The following KAT6A variants were observed in gnomAD, a reference collection of about 807,000 sequenced individuals.
KAT6A encodes histone acetyltransferase KAT6A.
KAT6A carries 9 observed loss-of-function variants against 198.4 expected under a neutral mutation model. The ratio of observed to expected loss-of-function variants is 0.05; its 90% confidence interval spans 0.03 to 0.08. The LOEUF (loss-of-function observed/expected upper bound fraction) is 0.08. KAT6A is among the 10% of genes least tolerant of loss of function. The probability of loss-of-function intolerance (pLI) is 1.00; values close to 1 mark genes in which losing one functional copy is unlikely to be tolerated. For missense variants in KAT6A, 2,077 were observed against 2,509.9 expected (o/e 0.83, Z 3.69); for synonymous variants, 890 against 883.0 (o/e 1.01, Z -0.14).
chr8:42,039,937 C>A (rs1049332417), intron 2 of KAT6A, among the ~76,000 whole-genome samples: 1 of 151,010 alleles, frequency 6.6e-6, no homozygotes, highest in African/African-American at 2.4e-5. Flanking sequence ...TTAGTGGAGA[C>A]GGGCTTTCAC....
At chr8:41,941,896 T>C (rs775592403) in intron 14 of KAT6A, among the ~76,000 whole-genome samples, 32 of 152,278 alleles carry the variant, frequency 2.1e-4, no homozygotes, top group Middle Eastern at 3.4e-3. Flanking sequence ...GAAATAAAAA[T>C]TTGTAAACAG....
At chr8:42,033,490 T>C (rs1400407944) in intron 2 of KAT6A, among the ~76,000 whole-genome samples, 1 of 152,218 alleles carries the variant, frequency 6.6e-6, no homozygotes, top group African/African-American at 2.4e-5. Context: ...CATATCCAAT[T>C]AAACAGTTAC....
At position 41,937,540 on chromosome 8, in the gene KAT6A, A is replaced by G; in HGVS notation, c.3068T>C (p.Val1023Ala). Reference protein sequence around the residue: ...KKPFLHRRRRVRKRKHHNSSV... With the variant: ...KKPFLHRRRRARKRKHHNSSV... Reference sequence around the variant, plus strand: ...GCTATTGTGGTGTTTGCGCTTTCGGACTCTCCTCCTTCGGTGGAGAAATGG... The same window carrying G: ...GCTATTGTGGTGTTTGCGCTTTCGGGCTCTCCTCCTTCGGTGGAGAAATGG... Residue 1023 changes from valine to alanine, a missense_variant, in exon 16 of 17, where the codon GTC becomes GCC. Physicochemically the swap from Val to Ala is moderately conservative, Grantham distance 64. Coordinates refer to ENST00000265713, the MANE Select transcript of KAT6A (RefSeq NM_006766.5). The G allele has an allele frequency of 6.2e-7, 1 of 1,612,804 alleles. No homozygotes were observed. The highest frequency in any genetic ancestry group is 1.1e-5 in the South Asian group (1 of 90,946).
chr8:41,938,131 T>C (rs1282549424), intron 15 of KAT6A, among the ~76,000 whole-genome samples: 1 of 152,214 alleles, frequency 6.6e-6, no homozygotes, highest in African/African-American at 2.4e-5. Flanking sequence ...GAGCACAACT[T>C]TGCACTGGAC....
chr8:42,037,858 A>C (rs1827455582), intron 2 of KAT6A, among the ~76,000 whole-genome samples: 1 of 152,180 alleles, frequency 6.6e-6, no homozygotes, highest in South Asian at 2.1e-4. Context: ...TTTACAGCAA[A>C]GCAGAAGTGA....
chr8:41,955,931 AAG>A (rs1457477216), intron 8 of KAT6A, among the ~76,000 whole-genome samples: 1 of 152,222 alleles, frequency 6.6e-6, no homozygotes, highest in Non-Finnish European at 1.5e-5. Context: ...AACAAGTATC[AAG>A]AGAGTCTTCA....
Position 41,932,533 on chromosome 8 carries a change from C to G in KAT6A, c.5687G>C (p.Gly1896Ala). 1 of 1,614,236 alleles carries G rather than the reference C, an allele frequency of 6.2e-7. No individual in the cohort carries two copies. The highest frequency in any genetic ancestry group is 8.5e-7 in the Non-Finnish European group (1 of 1,180,034). ...AGPRALAVQR[G>A]MNMGVNLMPT... ...CATCAGATTAACCCCCATGTTCATG[C>G]CACGCTGAACAGCCAGTGCGCGAGG... Residue 1896 changes from glycine to alanine, a missense_variant, in exon 17 of 17, where the codon GGC (glycine) becomes GCC (alanine). Coordinates refer to ENST00000265713, the MANE Select transcript of KAT6A (RefSeq NM_006766.5).
At chr8:41,946,529 C>CACACACACACACACACACACAT (rs1554682545) in intron 12 of KAT6A, 62 bp downstream of exon 12, 3 of 682,418 alleles carry the variant, frequency 4.4e-6, no homozygotes, top group African/African-American at 3.9e-5. Context: ...CACACACACA[C>CACACACACACACACACACACAT]ACACACACAC....
At chr8:41,990,994 CAAAAAAAAA>C (rs61543371) in intron 2 of KAT6A, among the ~76,000 whole-genome samples, 8 of 80,750 alleles carry the variant, frequency 9.9e-5, no homozygotes, top group East Asian at 3.5e-4. Flanking sequence ...GACTCCGTCT[CAAAAAAAAA>C]AAAAAAAAAA....
intron 1 of KAT6A, among the ~76,000 whole-genome samples, chr8:42,050,146 G>C (rs943758209): frequency 2.0e-5 from 3 of 152,136 alleles, no homozygotes; most frequent in African/African-American, 7.2e-5. Context: ...GGACGGTACA[G>C]AAAAAGAAAT....
intron 9 of KAT6A, among the ~76,000 whole-genome samples, chr8:41,954,801 G>A (rs1033218482): frequency 2.6e-5 from 4 of 152,132 alleles, no homozygotes; most frequent in Non-Finnish European, 5.9e-5. Context: ...GCTGGTGAGT[G>A]ATCAATGTTT....
intron 2 of KAT6A, among the ~76,000 whole-genome samples, chr8:42,026,208 G>A (rs905937676): frequency 1.1e-4 from 16 of 152,138 alleles, no homozygotes; most frequent in African/African-American, 3.9e-4. Flanking sequence ...GTAGTGTGAT[G>A]CCCCCAGCTT....
At chr8:41,956,170 A>G (rs1300609207) in intron 8 of KAT6A, among the ~76,000 whole-genome samples, 2 of 152,206 alleles carry the variant, frequency 1.3e-5, no homozygotes, top group African/African-American at 2.4e-5. Context: ...AAATTCAAAC[A>G]TAAGTACGTA....
In KAT6A at chr8:41,977,174, G is replaced by A; in HGVS notation, c.1197C>T (p.Ser399=). The A allele has an allele frequency of 6.2e-7, 1 of 1,614,118 alleles. No individual in the cohort carries two copies. Among genetic ancestry groups the A allele is most frequent in the Middle Eastern group, 1.6e-4 (1 of 6,062 alleles). ...CTTTGGTTTTCTTGTTGAACTTCAA[G>A]GAGACATTGCTATCTCTGCAGAAGT... ...GLDFCRDSNV[S]LKFNKKTKGL... Residue 399 remains serine, a synonymous_variant, in exon 7 of 17, where the codon TCC becomes TCT. Coordinates refer to ENST00000265713, the MANE Select transcript of KAT6A (RefSeq NM_006766.5).
At position 41,937,317 on chromosome 8, in the gene KAT6A, C is replaced by A; in HGVS notation, c.3291G>T (p.Gln1097His). The change falls in exon 16 of 17, where the codon CAG (glutamine) becomes CAT (histidine). Residue 1097 changes from glutamine (Q) to histidine (H), a missense_variant. Around this residue, in one of 13 missense-constraint regions of KAT6A, gnomAD observed 375 missense variants for 383.0 expected, o/e 0.98. Coordinates refer to ENST00000265713, the MANE Select transcript of KAT6A (RefSeq NM_006766.5). The part of the protein sequence containing the change: ...RLSSQDVLRC[Q>H]SSSKRKSKDE... ...CTTTAGACTTCCTCTTAGAAGAGGA[C>A]TGACACCTGAGTACATCCTGCGAAG... is the stretch of plus-strand genomic sequence containing the variant. 1 of 1,614,030 alleles carries A rather than the reference C, an allele frequency of 6.2e-7. No individual in the cohort carries two copies. Among genetic ancestry groups the A allele is most frequent in the Non-Finnish European group, 8.5e-7 (1 of 1,179,872 alleles).
intron 3 of KAT6A, among the ~76,000 whole-genome samples, chr8:41,985,234 T>C (rs1368622705): frequency 6.6e-6 from 1 of 152,192 alleles, no homozygotes; most frequent in Admixed American, 6.5e-5. Context: ...TTTCATCTAA[T>C]CTTTCATGAT....
Position 41,931,647 on chromosome 8 carries a change from T to C in KAT6A, c.*558A>G, listed in dbSNP as rs1447013166. ...ACTTTATTAATAATAATAATAATAA[T>C]ATTAACAATAATAATAAGTTTAAGG... On this transcript the variant is annotated 3_prime_UTR_variant, in exon 17 of 17. Coordinates refer to ENST00000265713, the MANE Select transcript of KAT6A (RefSeq NM_006766.5). 4 of 184,540 alleles carry C rather than the reference T, an allele frequency of 2.2e-5. No homozygotes were observed. The highest frequency in any genetic ancestry group is 4.6e-5 in the Non-Finnish European group (4 of 87,222). 11.4% of individuals were successfully genotyped at this position (184,540 alleles called of 1,614,324 possible).
At chr8:41,994,800 G>A (rs935472367) in intron 2 of KAT6A, among the ~76,000 whole-genome samples, 1 of 152,146 alleles carries the variant, frequency 6.6e-6, no homozygotes, top group Non-Finnish European at 1.5e-5. Context: ...GCTCACACCT[G>A]TAATCCCAGC....
intron 2 of KAT6A, among the ~76,000 whole-genome samples, chr8:41,997,016 C>A (rs1825246960): frequency 6.6e-6 from 1 of 151,860 alleles, no homozygotes. Flanking sequence ...TTACCAAAGG[C>A]CATGGGAAGT....
Sources: allele counts gnomAD v4.1 joint callset (sites outside exome capture counted in the v4.1 genomes callset), GRCh38; gene constraint gnomAD v4.1.1; regional missense constraint gnomAD v4.1.1; transcripts MANE v1.5; gene names NCBI Gene and HGNC (gene_info 2026-07-23, HGNC 2026-07-21).